The following CEP112 variants were observed in gnomAD, a reference collection of about 807,000 sequenced individuals.
CEP112 encodes centrosomal protein of 112 kDa.
In CEP112, 127 loss-of-function variants were observed where a neutral mutation model predicts 153.0. The ratio of observed to expected loss-of-function variants is 0.83; its 90% CI spans 0.72 to 0.96. The LOEUF (loss-of-function observed/expected upper bound fraction) is 0.96, where lower values mean the gene tolerates loss of function less well. Ranked by LOEUF, CEP112 falls within the 40% of genes least tolerant of loss-of-function variation. The pLI, the probability that CEP112 is intolerant of heterozygous loss-of-function variation, is 0.00. For synonymous variants in CEP112, 358 were observed against 374.4 expected (o/e 0.96, Z 0.51); for missense variants, 1,089 against 1,101.2 (o/e 0.99, Z 0.16).
chr17:65,883,283 A>ATATATATATAT, intron 20 of CEP112, among the ~76,000 whole-genome samples: 1 of 141,332 alleles, frequency 7.1e-6, no homozygotes, highest in African/African-American at 2.7e-5. Context: ...TATATATATG[A>ATATATATATAT]AGTGTATATA....
At chr17:65,725,287 AAATT>A (rs959473411) in intron 23 of CEP112, among the ~76,000 whole-genome samples, 4 of 152,198 alleles carry the variant, frequency 2.6e-5, no homozygotes, top group African/African-American at 9.7e-5. Flanking sequence ...GGTATAAAAT[AAATT>A]AATATATTTA....
intron 1 of CEP112, among the ~76,000 whole-genome samples, chr17:66,188,537 G>A (rs996428447): frequency 2.7e-5 from 4 of 149,860 alleles, no homozygotes; most frequent in African/African-American, 9.8e-5. Context: ...CTGTTGCTCT[G>A]TTCTCAGTGT....
intron 18 of CEP112, among the ~76,000 whole-genome samples, chr17:65,937,236 A>C (rs1599071900): frequency 1.8e-5 from 2 of 112,564 alleles, no homozygotes; most frequent in Admixed American, 1.1e-4. Context: ...CCCGGCCGCC[A>C]CCCCGTCTGG....
At position 65,650,082 on chromosome 17, in the gene CEP112, G is replaced by A. The variant is rs563538973; in HGVS notation, c.2698-9017C>T. On this transcript the variant is annotated intron_variant, in intron 24 of 26. Transcript: ENST00000535342. ...ACCTGGCCTCTGGAATACCAGACAT[G>A]TTTGCTTTCTTCCAATTCATTCACC... 1.4e-3 allele frequency among the ~76,000 whole-genome samples: 210 copies of A among 152,344 alleles called. 1 individual carries two copies. Among genetic ancestry groups the A allele is most frequent in the Non-Finnish European group, 2.5e-3 (170 of 68,032 alleles).
chr17:65,929,492 T>C (rs2061046993), intron 18 of CEP112, among the ~76,000 whole-genome samples: 1 of 152,236 alleles, frequency 6.6e-6, no homozygotes, highest in African/African-American at 2.4e-5. Flanking sequence ...TGAGACCTTC[T>C]AGACCACTCA....
chr17:65,811,566 A>G (rs2055958320), intron 21 of CEP112, among the ~76,000 whole-genome samples: 2 of 152,324 alleles, frequency 1.3e-5, no homozygotes, highest in African/African-American at 2.4e-5. Context: ...CGAGAGGCCA[A>G]TGAGTTGTAA....
chr17:66,029,979 A>G lies in CEP112; in HGVS notation c.1263T>C (p.Thr421=), dbSNP rs777439715. Residue 421 remains threonine, a synonymous_variant, in exon 13 of 27, where the codon ACT becomes ACC. Coordinates refer to ENST00000535342, the MANE Select transcript of CEP112 (RefSeq NM_001199165.4). ...KELEARVQQL[T]GEAENSNLQR... ...GTAAATTACTGTTCTCTGCTTCTCC[A>G]GTCAGCTGCTGGACACGGGCCTCCA... is the stretch of plus-strand genomic sequence containing the variant. The G allele has an allele frequency of 2.5e-6, 4 of 1,613,746 alleles. No individual in the cohort carries two copies. The highest frequency in any genetic ancestry group is 3.3e-5 in the Admixed American group (2 of 59,958).
intron 4 of CEP112, among the ~76,000 whole-genome samples, chr17:66,149,256 T>C (rs1193868500): frequency 6.6e-6 from 1 of 152,132 alleles, no homozygotes; most frequent in Non-Finnish European, 1.5e-5. Context: ...CCTGAGGCCT[T>C]TGCAGCAAAT....
intron 20 of CEP112, among the ~76,000 whole-genome samples, chr17:65,875,327 T>C (rs1024890232): frequency 6.6e-6 from 1 of 152,096 alleles, no homozygotes; most frequent in South Asian, 2.1e-4. Flanking sequence ...TTTGTTTTAA[T>C]TTAAAAATAC....
chr17:65,932,261 T>C (rs758241920), intron 18 of CEP112, among the ~76,000 whole-genome samples: 2 of 152,098 alleles, frequency 1.3e-5, no homozygotes, highest in Non-Finnish European at 2.9e-5. Flanking sequence ...ATATTGAAAG[T>C]GTCCATCCCC....
In CEP112 at chr17:65,927,609, C is replaced by T. The variant is rs1282807419; in HGVS notation, c.1953G>A (p.Glu651=). Residue 651 remains glutamate, a synonymous_variant, in exon 19 of 27, where the codon GAG becomes GAA. Coordinates refer to ENST00000535342, the MANE Select transcript of CEP112 (RefSeq NM_001199165.4). The part of the protein sequence containing the change: ...KQSKEFLWQL[E]DIRQRYEQQI... ...GTTGTTCATACCGCTGTCTGATGTC[C>T]TCCAGTTGCCATAAAAACTCCTTTG... The T allele has an allele frequency of 1.9e-6, 3 of 1,601,430 alleles. No homozygotes were observed. Among genetic ancestry groups the T allele is most frequent in the African/African-American group, 1.3e-5 (1 of 74,480 alleles).
In CEP112 at chr17:66,030,033, C is replaced by A. The variant is rs2065396509; in HGVS notation, c.1219-10G>T. The A allele has an allele frequency of 1.2e-6, 2 of 1,611,696 alleles. No homozygotes were observed. Among genetic ancestry groups the A allele is most frequent in the South Asian group, 2.2e-5 (2 of 90,606 alleles). On this transcript the variant is annotated splice_polypyrimidine_tract_variant and intron_variant, in intron 12 of 26. Coordinates refer to ENST00000535342, the MANE Select transcript of CEP112 (RefSeq NM_001199165.4). The stretch of plus-strand genomic sequence containing the variant: ...CTTTGATCATGTGGTTCTAAAAGAA[C>A]AGGTCATGGTTAAGAAAGTCTCTGA...
At chr17:65,760,142 T>A (rs1475281668) in intron 21 of CEP112, among the ~76,000 whole-genome samples, 1 of 152,200 alleles carries the variant, frequency 6.6e-6, no homozygotes, top group East Asian at 1.9e-4. Context: ...TAATCACTTA[T>A]CAGTTCCAAG....
chr17:66,165,253 A>T (rs1279831336), intron 4 of CEP112, among the ~76,000 whole-genome samples: 1 of 151,758 alleles, frequency 6.6e-6, no homozygotes, highest in Non-Finnish European at 1.5e-5. Flanking sequence ...GCCCCTAATC[A>T]CATGTGGCTA....
chr17:66,127,943 C>A (rs572741785), intron 6 of CEP112, among the ~76,000 whole-genome samples: 1 of 152,238 alleles, frequency 6.6e-6, no homozygotes, highest in East Asian at 1.9e-4. Flanking sequence ...TTTACTCTCT[C>A]AAAAGTTTTT....
intron 21 of CEP112, among the ~76,000 whole-genome samples, chr17:65,833,006 C>G (rs1390645566): frequency 2.6e-5 from 4 of 152,152 alleles, no homozygotes; most frequent in African/African-American, 7.2e-5. Flanking sequence ...AGCTAATCCA[C>G]CACGATCAAG....
intron 5 of CEP112, 116 bp from the exon 6 acceptor site, chr17:66,129,939 GA>G: frequency 1.8e-6 from 1 of 543,696 alleles, no homozygotes. Flanking sequence ...AAATAAAGAG[GA>G]AGGAAGTAAA....
intron 19 of CEP112, among the ~76,000 whole-genome samples, chr17:65,906,917 T>C (rs1266271015): frequency 6.6e-6 from 1 of 152,212 alleles, no homozygotes; most frequent in African/African-American, 2.4e-5. Flanking sequence ...AATAAAATTA[T>C]AAACTTAAAT....
chr17:66,106,864 G>A (rs911007486), intron 6 of CEP112, among the ~76,000 whole-genome samples: 1 of 151,738 alleles, frequency 6.6e-6, no homozygotes, highest in Admixed American at 6.6e-5. Flanking sequence ...AGGCCAATAT[G>A]ACTGATGAAC....
Sources: allele counts gnomAD v4.1 joint callset (sites outside exome capture counted in the v4.1 genomes callset), GRCh38; gene constraint gnomAD v4.1.1; transcripts MANE v1.5; gene names NCBI Gene and HGNC (gene_info 2026-07-23, HGNC 2026-07-21).